Variants in TRPS1 observed in about 807,000 individuals in gnomAD.
TRPS1 encodes zinc finger transcription factor Trps1.
In TRPS1, 6 loss-of-function variants were observed where a neutral mutation model predicts 101.2. The ratio of observed to expected loss-of-function variants is 0.06; its 90% CI spans 0.03 to 0.12. The LOEUF is 0.12. Among genes scored for constraint, TRPS1 ranks in the 10% least tolerant of loss-of-function variants. The probability of loss-of-function intolerance (pLI) is 1.00; values close to 1 mark genes in which losing one functional copy is unlikely to be tolerated. For synonymous variants in TRPS1, 578 were observed against 589.8 expected (o/e 0.98, Z 0.29); for missense variants, 1,363 against 1,567.0 (o/e 0.87, Z 2.20).
Position 115,633,024 on chromosome 8 carries a change from CAG to C in TRPS1, c.-121-9268_-121-9267del, listed in dbSNP as rs201351755. Among the ~76,000 whole-genome samples the C allele has an allele frequency of 4.2e-3, 642 of 152,154 alleles. 9 individuals carry two copies. The highest frequency in any genetic ancestry group is 0.026 in the Admixed American group (391 of 15,248). On this transcript the variant is annotated intron_variant, in intron 1 of 6. Transcript: ENST00000395715. ...TTTCAGTGAAACAGCAGTTGCTCTG[CAG>C]AGAGCATGGAGTAATATAATGAAGA...
rs2129726646 is a variant in TRPS1, at chr8:115,410,696, G to C, written c.*3327C>G. 1 of 152,636 alleles carries C rather than the reference G, an allele frequency of 6.6e-6. No individual in the cohort carries two copies. The highest frequency in any genetic ancestry group is 6.6e-5 in the Admixed American group (1 of 15,266). 9.5% of individuals were successfully genotyped at this position (152,636 alleles called of 1,614,324 possible). On this transcript the variant is annotated 3_prime_UTR_variant, in exon 7 of 7. Coordinates refer to ENST00000395715, the MANE Select transcript of TRPS1 (RefSeq NM_014112.5). ...ATACAGAGGTGAGTGATGAGAGAAA[G>C]AGTGAGAAAAGGAAGAATGAGAACG... is the stretch of plus-strand genomic sequence containing the variant.
intron 5 of TRPS1, among the ~76,000 whole-genome samples, chr8:115,461,032 TCA>T (rs1380379661): frequency 6.6e-6 from 1 of 152,174 alleles, no homozygotes; most frequent in African/African-American, 2.4e-5. Flanking sequence ...ACGCAAGGTT[TCA>T]CAGTCTCACA....
intron 5 of TRPS1, among the ~76,000 whole-genome samples, chr8:115,442,646 TTTAAG>T (rs1411871144): frequency 6.6e-6 from 1 of 151,690 alleles, no homozygotes; most frequent in Non-Finnish European, 1.5e-5. Context: ...AAAATGAGAA[TTTAAG>T]TTATCAACAT....
chr8:115,498,558 A>C (rs1815224927), intron 5 of TRPS1, among the ~76,000 whole-genome samples: 1 of 151,112 alleles, frequency 6.6e-6, no homozygotes, highest in African/African-American at 2.4e-5. Context: ...AATTTGTAAA[A>C]TTTACTTATA....
intron 5 of TRPS1, among the ~76,000 whole-genome samples, chr8:115,450,136 TAGG>T (rs1429262720): frequency 8.5e-5 from 13 of 152,170 alleles, no homozygotes; most frequent in Admixed American, 7.9e-4. Flanking sequence ...AACGGAGAAT[TAGG>T]AGAAGTACTA....
chr8:115,512,434 A>C (rs887853885), intron 5 of TRPS1, among the ~76,000 whole-genome samples: 5 of 151,816 alleles, frequency 3.3e-5, no homozygotes, highest in Admixed American at 2.6e-4. Context: ...AAAGAGAAGA[A>C]ATTCATTGTT....
chr8:115,533,442 T>G (rs992317240), intron 5 of TRPS1, among the ~76,000 whole-genome samples: 1 of 125,658 alleles, frequency 8.0e-6, no homozygotes, highest in Non-Finnish European at 1.6e-5. Context: ...ATCTGTTTTT[T>G]TTTTTTTTTT....
At chr8:115,564,615 T>C (rs1817024747) in intron 5 of TRPS1, among the ~76,000 whole-genome samples, 2 of 152,098 alleles carry the variant, frequency 1.3e-5, no homozygotes, top group South Asian at 4.1e-4. Context: ...AAACAGCTCA[T>C]AGTGCCCATT....
intron 1 of TRPS1, among the ~76,000 whole-genome samples, chr8:115,642,809 T>C (rs1586487697): frequency 6.8e-6 from 1 of 146,798 alleles, no homozygotes; most frequent in South Asian, 2.1e-4. Flanking sequence ...TGGTTAATGT[T>C]TTTATCTGAT....
At chr8:115,429,172 TATA>T (rs1417748981) in intron 5 of TRPS1, among the ~76,000 whole-genome samples, 1 of 152,192 alleles carries the variant, frequency 6.6e-6, no homozygotes, top group Non-Finnish European at 1.5e-5. Flanking sequence ...AGGAAAGTCC[TATA>T]ATAGGCTGTC....
intron 5 of TRPS1, among the ~76,000 whole-genome samples, chr8:115,480,272 A>G (rs1382576180): frequency 6.6e-6 from 1 of 152,082 alleles, no homozygotes; most frequent in African/African-American, 2.4e-5. Flanking sequence ...ACCATACAAA[A>G]CACCTAGCAG....
intron 5 of TRPS1, among the ~76,000 whole-genome samples, chr8:115,517,315 CCTT>C (rs1249105631): frequency 6.6e-6 from 1 of 151,584 alleles, no homozygotes; most frequent in Non-Finnish European, 1.5e-5. Context: ...TAAATACACA[CCTT>C]CTCTGGAAGG....
rs991690831 is a variant in TRPS1 at position 115,520,159 on chromosome 8, T to C, written c.2700+66842A>G. 4.6e-5 allele frequency among the ~76,000 whole-genome samples: 7 copies of C among 151,712 alleles called. No individual in the cohort carries two copies. In the East Asian group the frequency reaches 7.7e-4, roughly 17 times the overall value. On this transcript the variant is annotated intron_variant, in intron 5 of 6. Transcript: ENST00000395715. ...GCATTAATATATGTCCTGATTGTGA[T>C]TGGCAGTTTTAATTACATGAGGTTT...
At chr8:115,536,165 T>C (rs549717903) in intron 5 of TRPS1, among the ~76,000 whole-genome samples, 1 of 152,268 alleles carries the variant, frequency 6.6e-6, no homozygotes, top group Non-Finnish European at 1.5e-5. Flanking sequence ...TTTTACATAA[T>C]GTAATTCATT....
At chr8:115,549,963 C>G (rs1393706914) in intron 5 of TRPS1, among the ~76,000 whole-genome samples, 1 of 152,118 alleles carries the variant, frequency 6.6e-6, no homozygotes, top group Non-Finnish European at 1.5e-5. Context: ...TGCCTGTAAT[C>G]CCAGCACTTT....
intron 5 of TRPS1, among the ~76,000 whole-genome samples, chr8:115,573,567 T>C (rs1009741169): frequency 5.3e-5 from 8 of 152,190 alleles, no homozygotes; most frequent in African/African-American, 1.4e-4. Flanking sequence ...AGCCTACTAA[T>C]GAGTCTTCGT....
chr8:115,546,758 C>T (rs528477285), intron 5 of TRPS1, among the ~76,000 whole-genome samples: 1 of 152,272 alleles, frequency 6.6e-6, no homozygotes, highest in Non-Finnish European at 1.5e-5. Context: ...AAACAGTTTA[C>T]ATAACTCTTC....
chr8:115,605,379 C>A (rs1186908618), intron 3 of TRPS1, among the ~76,000 whole-genome samples: 2 of 152,188 alleles, frequency 1.3e-5, no homozygotes, highest in Admixed American at 1.3e-4. Flanking sequence ...CATGGGATTT[C>A]TTTTCAAAAG....
chr8:115,438,019 T>C (rs997558254), intron 5 of TRPS1, among the ~76,000 whole-genome samples: 3 of 152,038 alleles, frequency 2.0e-5, no homozygotes, highest in Admixed American at 6.6e-5. Context: ...AAACATGGCA[T>C]TTTTTTTCTA....
Sources: gnomAD v4.1 joint callset for allele counts (sites outside exome capture counted in the v4.1 genomes callset) on GRCh38, gnomAD v4.1.1 for gene constraint, MANE v1.5 for transcripts, NCBI Gene and HGNC (gene_info 2026-07-23, HGNC 2026-07-21) for gene names.